SSBP3: variants seen among roughly 807,000 people sequenced by gnomAD.
SSBP3 encodes single-stranded DNA-binding protein 3.
In SSBP3, 5 loss-of-function variants were observed where a neutral mutation model predicts 69.6. That is an observed-to-expected ratio of 0.07 (90% CI 0.04 to 0.15). SSBP3 has a LOEUF of 0.15. Among genes scored for constraint, SSBP3 ranks in the 10% least tolerant of loss-of-function variants. The pLI is 1.00. For missense variants in SSBP3, 312 were observed against 534.0 expected (o/e 0.58, Z 4.10); for synonymous variants, 196 against 193.4 (o/e 1.01, Z -0.11).
intron 17 of SSBP3, among the ~76,000 whole-genome samples, chr1:54,227,412 A>T (rs1037857252): frequency 2.0e-5 from 3 of 152,020 alleles, no homozygotes; most frequent in Non-Finnish European, 2.9e-5. Context: ...AAGGCAGCTG[A>T]CGGCGCCTCC....
At chr1:54,353,890 G>A (rs1646822049) in intron 4 of SSBP3, among the ~76,000 whole-genome samples, 1 of 152,232 alleles carries the variant, frequency 6.6e-6, no homozygotes, top group Admixed American at 6.5e-5. Context: ...GGGACTGAGA[G>A]GGACTGCAGA....
chr1:54,357,063 C>T (rs1646880581), intron 4 of SSBP3, among the ~76,000 whole-genome samples: 1 of 152,008 alleles, frequency 6.6e-6, no homozygotes, highest in Admixed American at 6.5e-5. Flanking sequence ...TCTGGTTTCC[C>T]CAGAGAATCA....
At chr1:54,377,211 T>C (rs374182639) in intron 4 of SSBP3, among the ~76,000 whole-genome samples, 10 of 152,172 alleles carry the variant, frequency 6.6e-5, no homozygotes, top group African/African-American at 2.4e-4. Context: ...TCCCCTGGAA[T>C]GGTTTCCCCA....
intron 3 of SSBP3, among the ~76,000 whole-genome samples, chr1:54,402,958 G>A (rs748484947): frequency 6.6e-6 from 1 of 152,200 alleles, no homozygotes; most frequent in Non-Finnish European, 1.5e-5. Flanking sequence ...CTGGTCCACT[G>A]CTCTTGTCCT....
chr1:54,239,320 C>A (rs1644561963), intron 13 of SSBP3, 121 bp from the exon 14 acceptor site: 2 of 725,746 alleles, frequency 2.8e-6, no homozygotes, highest in East Asian at 2.9e-5. Context: ...CTAAGTACCA[C>A]CATTTTCTGG....
intron 4 of SSBP3, among the ~76,000 whole-genome samples, chr1:54,379,547 G>A (rs1253828427): frequency 1.3e-5 from 2 of 152,168 alleles, no homozygotes; most frequent in Admixed American, 6.5e-5. Context: ...TGATTTGAGG[G>A]AGACATGATC....
intron 7 of SSBP3, among the ~76,000 whole-genome samples, chr1:54,252,082 T>G (rs906911308): frequency 2.6e-5 from 4 of 152,070 alleles, no homozygotes; most frequent in Non-Finnish European, 5.9e-5. Context: ...GGGGGCTCTG[T>G]GGGAGGGAAA....
At chr1:54,412,188 G>A (rs1403310283) in intron 1 of SSBP3, among the ~76,000 whole-genome samples, 1 of 151,988 alleles carries the variant, frequency 6.6e-6, no homozygotes, top group Non-Finnish European at 1.5e-5. Context: ...CCTCGGCCAG[G>A]CGTGGTGGCC....
intron 4 of SSBP3, among the ~76,000 whole-genome samples, chr1:54,337,703 C>G (rs1046097001): frequency 6.6e-6 from 1 of 151,860 alleles, no homozygotes; most frequent in Non-Finnish European, 1.5e-5. Context: ...ACCATGTTGG[C>G]CAGGCTGGTC....
intron 4 of SSBP3, among the ~76,000 whole-genome samples, chr1:54,391,445 G>A (rs1290127094): frequency 6.6e-6 from 1 of 152,188 alleles, no homozygotes; most frequent in African/African-American, 2.4e-5. Context: ...CCAACCATCT[G>A]CCATTTCCAT....
chr1:54,254,152 C>G (rs946526384), intron 7 of SSBP3, among the ~76,000 whole-genome samples: 1 of 152,236 alleles, frequency 6.6e-6, no homozygotes, highest in Non-Finnish European at 1.5e-5. Context: ...GCTGTGCACA[C>G]ACCCCTGGGG....
Position 54,299,854 on chromosome 1 carries a change from A to G in SSBP3, c.277-18327T>C, listed in dbSNP as rs1465788973. Among the ~76,000 whole-genome samples the G allele has an allele frequency of 2.0e-5, 3 of 152,270 alleles. No individual in the cohort carries two copies. The East Asian group carries it at 5.8e-4, about 29-fold the overall frequency. On this transcript the variant is annotated intron_variant, in intron 4 of 17. Transcript: ENST00000610401. ...ACCTGAGGATTTTCTGCTCCTTGCC[A>G]CACACCAGCTCAGCCGAGGCCTTCA...
intron 4 of SSBP3, among the ~76,000 whole-genome samples, chr1:54,359,698 T>C (rs1016014107): frequency 3.3e-5 from 5 of 152,164 alleles, no homozygotes; most frequent in Non-Finnish European, 4.4e-5. Context: ...AAAGCTGTTA[T>C]GTAAAAACTC....
chr1:54,317,650 T>C (rs1271335318), intron 4 of SSBP3, among the ~76,000 whole-genome samples: 1 of 152,178 alleles, frequency 6.6e-6, no homozygotes, highest in Non-Finnish European at 1.5e-5. Flanking sequence ...CTCAGGATAA[T>C]AGTAAATGTT....
At chr1:54,255,563 A>G (rs905629616) in intron 7 of SSBP3, 1 of 152,184 alleles carries the variant, frequency 6.6e-6, no homozygotes, top group Admixed American at 6.5e-5. Context: ...ACTCCAGCCC[A>G]GCTCACTTTG....
chr1:54,327,251 AGGAAGGAAGGAAGGAAGGAAAAC>A (rs1184136776), intron 4 of SSBP3, among the ~76,000 whole-genome samples: 1 of 151,600 alleles, frequency 6.6e-6, no homozygotes, highest in East Asian at 1.9e-4. Context: ...GAAGGAAGGA[AGGAAGGAAGGAAGGAAGGAAAAC>A]AACAACAAGA....
intron 4 of SSBP3, among the ~76,000 whole-genome samples, chr1:54,306,269 TATG>T (rs530105877): frequency 4.6e-5 from 7 of 152,158 alleles, no homozygotes; most frequent in Non-Finnish European, 1.0e-4. Context: ...ATGAGAGGAA[TATG>T]ATAACGCACA....
intron 7 of SSBP3, 146 bp from the exon 8 acceptor site, chr1:54,252,006 GAGA>G (rs1644838915): frequency 2.8e-6 from 2 of 708,724 alleles, no homozygotes; most frequent in African/African-American, 1.7e-5. Context: ...CTGCCAGTGG[GAGA>G]AGGTTACCCC....
intron 4 of SSBP3, among the ~76,000 whole-genome samples, chr1:54,370,338 T>G (rs1647107638): frequency 6.6e-6 from 1 of 152,196 alleles, no homozygotes; most frequent in Non-Finnish European, 1.5e-5. Context: ...AAACTCACCT[T>G]GCATGGCGAT....
Sources: allele counts gnomAD v4.1 joint callset (sites outside exome capture counted in the v4.1 genomes callset), GRCh38; gene constraint gnomAD v4.1.1; transcripts MANE v1.5; gene names NCBI Gene and HGNC (gene_info 2026-07-23, HGNC 2026-07-21).